The following ASIC5 variants were observed in gnomAD, a reference collection of about 807,000 sequenced individuals.
ASIC5 encodes acid sensing ion channel subunit family member 5, also known as bile acid-sensitive ion channel.
ASIC5 carries 52 observed loss-of-function variants against 51.2 expected under a neutral mutation model. The observed-to-expected ratio is 1.02, with a 90% CI of 0.81 to 1.28. The LOEUF is 1.28. Among genes scored for constraint, ASIC5 ranks in the 50% most tolerant of loss-of-function variants. ASIC5 has a pLI of 0.00. For missense variants in ASIC5, 635 were observed against 595.0 expected, an observed-to-expected ratio of 1.07 and a Z score of -0.70; for synonymous variants, 231 against 200.7, an observed-to-expected ratio of 1.15 and a Z score of -1.28.
intron 2 of ASIC5, among the ~76,000 whole-genome samples, chr4:155,860,956 A>G (rs778366268): frequency 2.6e-5 from 4 of 151,596 alleles, no homozygotes; most frequent in Non-Finnish European, 5.9e-5. Context: ...TTGTGTCTTC[A>G]TTTTCATTCA....
chr4:155,848,814 A>C (rs542964875), intron 4 of ASIC5, among the ~76,000 whole-genome samples: 3 of 152,216 alleles, frequency 2.0e-5, no homozygotes, highest in East Asian at 1.9e-4. Context: ...AACAGGAATT[A>C]ACTGCATGGA....
At chr4:155,844,342 T>A (rs1741188985) in intron 4 of ASIC5, among the ~76,000 whole-genome samples, 1 of 152,032 alleles carries the variant, frequency 6.6e-6, no homozygotes, top group Non-Finnish European at 1.5e-5. Flanking sequence ...AAACTCCTTT[T>A]TTTGTGGGAG....
At chr4:155,852,572 A>C (rs1447673763) in intron 3 of ASIC5, among the ~76,000 whole-genome samples, 1 of 151,982 alleles carries the variant, frequency 6.6e-6, no homozygotes, top group African/African-American at 2.4e-5. Context: ...ATTTAAAAAA[A>C]TTACTTGTTT....
chr4:155,852,468 ATAGTTTTT>A (rs1277894727), intron 3 of ASIC5, 152 bp from the exon 4 acceptor site: 12 of 440,224 alleles, frequency 2.7e-5, no homozygotes, highest in Admixed American at 6.9e-5. Flanking sequence ...GTATTCAGTG[ATAGTTTTT>A]TTTTTTTGGT....
At chr4:155,838,015 A>G (rs1741026358) in intron 7 of ASIC5, among the ~76,000 whole-genome samples, 1 of 152,126 alleles carries the variant, frequency 6.6e-6, no homozygotes, top group Admixed American at 6.6e-5. Flanking sequence ...CGGCTTTTGT[A>G]TATTCAGCCT....
intron 1 of ASIC5, among the ~76,000 whole-genome samples, chr4:155,865,682 GTT>G (rs35061182): frequency 6.6e-6 from 1 of 151,894 alleles, no homozygotes. Context: ...TTTTAATAGA[GTT>G]TTTTTTATTA....
chr4:155,845,819 T>C (rs1240172456), intron 4 of ASIC5, among the ~76,000 whole-genome samples: 1 of 152,104 alleles, frequency 6.6e-6, no homozygotes, highest in African/African-American at 2.4e-5. Context: ...AGTTTGCTAT[T>C]TTATTTTCAC....
chr4:155,862,002 A>G (rs888703061), intron 2 of ASIC5, among the ~76,000 whole-genome samples: 4 of 152,130 alleles, frequency 2.6e-5, no homozygotes, highest in African/African-American at 9.7e-5. Flanking sequence ...TTTTTAAAAG[A>G]AAAGTTTGCC....
chr4:155,850,532 T>C (rs1347694365), intron 4 of ASIC5, among the ~76,000 whole-genome samples: 1 of 152,024 alleles, frequency 6.6e-6, no homozygotes, highest in Admixed American at 6.6e-5. Flanking sequence ...CTCACCGTTT[T>C]TCTCAATTGA....
chr4:155,840,930 C>A (rs181888212), intron 6 of ASIC5, among the ~76,000 whole-genome samples: 2 of 152,002 alleles, frequency 1.3e-5, no homozygotes, highest in Non-Finnish European at 2.9e-5. Flanking sequence ...TTTTGTGACC[C>A]CTACCCAGGA....
At chr4:155,846,023 T>C (rs1477363670) in intron 4 of ASIC5, among the ~76,000 whole-genome samples, 1 of 152,196 alleles carries the variant, frequency 6.6e-6, no homozygotes, top group Middle Eastern at 3.4e-3. Context: ...ATACACAATA[T>C]TTCACTACAG....
chr4:155,862,195 G>C (rs1741724962), intron 2 of ASIC5, among the ~76,000 whole-genome samples: 1 of 151,948 alleles, frequency 6.6e-6, no homozygotes, highest in Non-Finnish European at 1.5e-5. Context: ...CAATAGTATT[G>C]AAAATCATTT....
rs1271598250 is a variant in ASIC5 at position 155,863,651 on chromosome 4, A to G, written c.144T>C (p.His48=). Residue 48 remains histidine, a synonymous_variant, in exon 2 of 10, where the codon CAT becomes CAC. Transcript: ENST00000537611. The part of the protein sequence containing the change: ...DHDFAISTSF[H]GIHNIVQNRS... ...GGTTCTGAACAATATTGTGTATCCCATGAAAGGAAGTGGAGATGGCAAAGT... is the reference window on the plus strand; with the variant it reads ...GGTTCTGAACAATATTGTGTATCCCGTGAAAGGAAGTGGAGATGGCAAAGT... The G allele has an allele frequency of 6.2e-7, 1 of 1,613,938 alleles. No individual in the cohort carries two copies. Among genetic ancestry groups the G allele is most frequent in the South Asian group, 1.1e-5 (1 of 91,080 alleles).
chr4:155,832,132 C>T (rs560478563), intron 8 of ASIC5, among the ~76,000 whole-genome samples: 8 of 152,312 alleles, frequency 5.3e-5, no homozygotes, highest in Middle Eastern at 3.4e-3. Flanking sequence ...TTCTGCACCT[C>T]ATTCCTGAGA....
intron 6 of ASIC5, among the ~76,000 whole-genome samples, chr4:155,839,829 A>G (rs377249836): frequency 6.6e-6 from 1 of 152,146 alleles, no homozygotes; most frequent in Non-Finnish European, 1.5e-5. Flanking sequence ...GCAATTCAGA[A>G]AAAAAAGATG....
chr4:155,844,217 G>A (rs1195753918), intron 4 of ASIC5, among the ~76,000 whole-genome samples: 1 of 152,032 alleles, frequency 6.6e-6, no homozygotes, highest in East Asian at 1.9e-4. Flanking sequence ...CCAATAGGAC[G>A]ATTGCTGAAC....
chr4:155,836,648 CTA>C, intron 8 of ASIC5, 39 bp downstream of exon 8: 4 of 1,290,566 alleles, frequency 3.1e-6, no homozygotes, highest in Non-Finnish European at 4.2e-6. Flanking sequence ...AAAAAAAAAT[CTA>C]TGTTAATTAT....
intron 8 of ASIC5, among the ~76,000 whole-genome samples, chr4:155,834,791 C>T (rs1288062072): frequency 6.6e-6 from 1 of 152,098 alleles, no homozygotes; most frequent in African/African-American, 2.4e-5. Flanking sequence ...ACCCAAACCC[C>T]AAGCTCCAGA....
rs936121145 is a variant in ASIC5, at chr4:155,829,966, T to C, written c.1408A>G (p.Asn470Asp). The C allele has an allele frequency of 6.2e-7, 1 of 1,603,654 alleles. No homozygotes were observed. Among genetic ancestry groups the C allele is most frequent in the Non-Finnish European group, 8.5e-7 (1 of 1,175,032 alleles). ...IIEIIEYLFT[N>D]FYWICIFFLL... Reference sequence around the variant, plus strand: ...AAGAAAATGCATATCCAGTAGAAATTGGTGAATAGATATTCAATAATTTCT... The same window carrying C: ...AAGAAAATGCATATCCAGTAGAAATCGGTGAATAGATATTCAATAATTTCT... The change falls in exon 10 of 10, where the codon AAT (asparagine) becomes GAT (aspartate). Residue 470 changes from asparagine (N) to aspartate (D), a missense_variant. Physicochemically the swap from Asn to Asp is conservative, Grantham distance 23 (BLOSUM62 1). Coordinates refer to ENST00000537611, the MANE Select transcript of ASIC5 (RefSeq NM_017419.3).
Sources: allele counts gnomAD v4.1 joint callset (sites outside exome capture counted in the v4.1 genomes callset), GRCh38; gene constraint gnomAD v4.1.1; transcripts MANE v1.5; gene names NCBI Gene and HGNC (gene_info 2026-07-23, HGNC 2026-07-21).